CASQ2: variants seen among roughly 807,000 people sequenced by gnomAD.
CASQ2 encodes calsequestrin 2, also known as calsequestrin-2.
In CASQ2, 49 loss-of-function variants were observed where a neutral mutation model predicts 46.5. The ratio of observed to expected loss-of-function variants is 1.05; its 90% CI spans 0.84 to 1.34. The LOEUF (loss-of-function observed/expected upper bound fraction) is 1.34, where lower values mean the gene tolerates loss of function less well. CASQ2 is among the 40% of genes most tolerant of loss of function. CASQ2 has a pLI of 0.00. For missense variants in CASQ2, 486 were observed against 481.3 expected (o/e 1.01, Z -0.09); for synonymous variants, 174 against 168.5 (o/e 1.03, Z -0.25).
intron 8 of CASQ2, among the ~76,000 whole-genome samples, chr1:115,706,900 A>T (rs1654380445): frequency 6.6e-6 from 1 of 152,162 alleles, no homozygotes; most frequent in Admixed American, 6.5e-5. Context: ...CAAAACGCAT[A>T]CTATTCTTAG....
intron 1 of CASQ2, among the ~76,000 whole-genome samples, chr1:115,766,795 G>A (rs1167384891): frequency 6.6e-6 from 1 of 152,078 alleles, no homozygotes; most frequent in Non-Finnish European, 1.5e-5. Context: ...GGGATGGTAA[G>A]CCCAGGGGAA....
chr1:115,712,489 G>GGTA (rs1654578323), intron 8 of CASQ2, among the ~76,000 whole-genome samples: 1 of 152,104 alleles, frequency 6.6e-6, no homozygotes, highest in Non-Finnish European at 1.5e-5. Context: ...TGTGAGCTGG[G>GGTA]GACATTATTT....
intron 2 of CASQ2, among the ~76,000 whole-genome samples, chr1:115,744,462 A>T (rs1384609301): frequency 6.6e-6 from 1 of 152,222 alleles, no homozygotes; most frequent in Non-Finnish European, 1.5e-5. Flanking sequence ...TACATGATGA[A>T]AGAAGAGAAT....
intron 5 of CASQ2, among the ~76,000 whole-genome samples, chr1:115,731,698 C>T (rs1647789148): frequency 6.6e-6 from 1 of 152,150 alleles, no homozygotes; most frequent in Non-Finnish European, 1.5e-5. Flanking sequence ...TAGCAAGCTT[C>T]TCAATTCAGT....
intron 3 of CASQ2, among the ~76,000 whole-genome samples, chr1:115,740,506 C>T (rs1010610097): frequency 6.6e-6 from 1 of 152,186 alleles, no homozygotes; most frequent in African/African-American, 2.4e-5. Flanking sequence ...TAGCATATTA[C>T]TACTACATGG....
chr1:115,727,992 C>T (rs1173983889), intron 5 of CASQ2, among the ~76,000 whole-genome samples: 1 of 152,146 alleles, frequency 6.6e-6, no homozygotes, highest in East Asian at 1.9e-4. Context: ...TTTCAGAGGC[C>T]TGGAATGTGC....
At chr1:115,745,586 T>C (rs1025587518) in intron 1 of CASQ2, among the ~76,000 whole-genome samples, 5 of 152,074 alleles carry the variant, frequency 3.3e-5, no homozygotes, top group Admixed American at 2.6e-4. Flanking sequence ...AAGCACAAGA[T>C]TGGCATTATG....
chr1:115,725,588 C>T, intron 6 of CASQ2, 35 bp from the exon 7 acceptor site: 2 of 1,543,954 alleles, frequency 1.3e-6, no homozygotes, highest in Middle Eastern at 1.9e-4. Context: ...AAAGAAAGAG[C>T]TTCCTTGAGT....
At chr1:115,725,233 C>T (rs1647535331) in intron 7 of CASQ2, among the ~76,000 whole-genome samples, 1 of 151,894 alleles carries the variant, frequency 6.6e-6, no homozygotes, top group Non-Finnish European at 1.5e-5. Flanking sequence ...TGCTCGGTTA[C>T]TTTTTGCATT....
chr1:115,723,759 G>T (rs892941505), intron 7 of CASQ2, among the ~76,000 whole-genome samples: 2 of 152,152 alleles, frequency 1.3e-5, no homozygotes, highest in Middle Eastern at 6.8e-3. Context: ...GGCTGGTCTC[G>T]AACTCCTGAC....
At chr1:115,761,063 G>A (rs1011504109) in intron 1 of CASQ2, among the ~76,000 whole-genome samples, 1 of 151,910 alleles carries the variant, frequency 6.6e-6, no homozygotes, top group African/African-American at 2.4e-5. Flanking sequence ...GATTTTGTAG[G>A]TCAGTGTAAA....
rs727504510 is a variant in CASQ2, at chr1:115,725,534, G to T, written c.757C>A (p.Arg253Ser). The change falls in exon 7 of 11, where the codon CGC becomes AGC. Residue 253 changes from arginine to serine, a missense_variant. Transcript: ENST00000261448. The stretch of plus-strand genomic sequence containing the variant: ...CATGTTTCAAACATTTCTTCTGGGC[G>T]CAGGCGACGTAGAGTGGGTCTGGAA... ...EHQRPTLRRLRPEEMFETWED... is the reference protein window; with the variant it reads ...EHQRPTLRRLSPEEMFETWED... The T allele has an allele frequency of 5.0e-6, 8 of 1,605,736 alleles. No individual in the cohort carries two copies. In the African/African-American group the frequency reaches 6.9e-5, roughly 14 times the overall value.
chr1:115,707,659 G>A (rs1312732239), intron 8 of CASQ2, among the ~76,000 whole-genome samples: 1 of 152,186 alleles, frequency 6.6e-6, no homozygotes, highest in Non-Finnish European at 1.5e-5. Context: ...GTTATCTGTA[G>A]AGATAGAAAT....
At chr1:115,739,385 G>T (rs1648097937) in intron 3 of CASQ2, among the ~76,000 whole-genome samples, 1 of 152,022 alleles carries the variant, frequency 6.6e-6, no homozygotes, top group African/African-American at 2.4e-5. Context: ...AAAGTGCTGG[G>T]ATTACAGGCA....
At chr1:115,731,167 A>G (rs3010396) in intron 5 of CASQ2, among the ~76,000 whole-genome samples, 89,975 of 152,036 alleles carry the variant, frequency 0.59, 27,129 homozygotes, top group African/African-American at 0.7. Flanking sequence ...GTCCTACAGA[A>G]TTTGAATAAA....
At chr1:115,719,201 G>T (rs1647284527) in intron 7 of CASQ2, among the ~76,000 whole-genome samples, 2 of 152,316 alleles carry the variant, frequency 1.3e-5, no homozygotes, top group South Asian at 4.2e-4. Flanking sequence ...GCACTGCCTT[G>T]GTCAGATTCT....
intron 3 of CASQ2, among the ~76,000 whole-genome samples, chr1:115,739,011 A>G (rs1648065599): frequency 6.7e-6 from 1 of 150,282 alleles, no homozygotes; most frequent in South Asian, 2.1e-4. Context: ...TTCACTTAAC[A>G]TAATGTTCTC....
rs566388911 is a variant in CASQ2 at position 115,726,675 on chromosome 1, G to T, written c.737+317C>A. Among the ~76,000 whole-genome samples, 41 of 152,318 alleles carry T rather than the reference G, an allele frequency of 2.7e-4. No homozygotes were observed. The South Asian group carries it at 8.5e-3, about 32-fold the overall frequency. The stretch of plus-strand genomic sequence containing the variant: ...ATAGTTTCCCTAAAGCACTGGGCAT[G>T]GTTATTGGTATATGGGAACTTTCAC... On this transcript the variant is annotated intron_variant, in intron 6 of 10. Coordinates refer to ENST00000261448, the MANE Select transcript of CASQ2 (RefSeq NM_001232.4).
At chr1:115,765,725 A>G (rs1369286804) in intron 1 of CASQ2, among the ~76,000 whole-genome samples, 2 of 152,048 alleles carry the variant, frequency 1.3e-5, no homozygotes, top group Non-Finnish European at 2.9e-5. Flanking sequence ...AAGTGTCAGA[A>G]GCCGCCTTAA....
Sources: gnomAD v4.1 joint callset for allele counts (sites outside exome capture counted in the v4.1 genomes callset) on GRCh38, gnomAD v4.1.1 for gene constraint, MANE v1.5 for transcripts, NCBI Gene and HGNC (gene_info 2026-07-23, HGNC 2026-07-21) for gene names.